The following PLCE1 variants were observed in gnomAD, a reference collection of about 807,000 sequenced individuals.
PLCE1 encodes phospholipase C epsilon 1, also known as 1-phosphatidylinositol 4,5-bisphosphate phosphodiesterase epsilon-1.
PLCE1 carries 119 observed loss-of-function variants against 242.8 expected under a neutral mutation model. That is an observed-to-expected ratio of 0.49 (90% CI 0.42 to 0.57). The LOEUF is 0.57. Ranked by LOEUF, PLCE1 falls within the 20% of genes least tolerant of loss-of-function variation. The pLI, the probability that PLCE1 is intolerant of heterozygous loss-of-function variation, is 0.00. For synonymous variants in PLCE1, 945 were observed against 1,017.4 expected, an observed-to-expected ratio of 0.93 and a Z score of 1.35; for missense variants, 2,441 against 2,788.8, an observed-to-expected ratio of 0.88 and a Z score of 2.81.
In PLCE1 at chr10:94,169,665, T is replaced by C. The variant is rs536522698; in HGVS notation, c.1493-1515T>C. On this transcript the variant is annotated intron_variant, in intron 3 of 32. Transcript: ENST00000371380. Reference sequence around the variant, plus strand: ...ATAGAAAAGAGGATAGTGAGTTGTTTAGGAAAAAATAAATAAGTTTGTGTC... The same window carrying C: ...ATAGAAAAGAGGATAGTGAGTTGTTCAGGAAAAAATAAATAAGTTTGTGTC... 3.9e-5 allele frequency among the ~76,000 whole-genome samples: 6 copies of C among 152,256 alleles called. 1 individual carries two copies. The South Asian group carries it at 1.2e-3, about 32-fold the overall frequency.
rs143752256 is a variant in PLCE1, at chr10:94,331,203, A to C, written c.*3260A>C. 2.5e-4 allele frequency: 38 copies of C among 152,342 alleles called. 1 individual carries two copies. In the East Asian group the frequency reaches 4.8e-3, roughly 19 times the overall value. The allele number at this position is 152,342 out of a possible 1,614,324, so 9.4% of individuals were successfully genotyped here. On this transcript the variant is annotated 3_prime_UTR_variant, in exon 33 of 33. Coordinates refer to ENST00000371380, the MANE Select transcript of PLCE1 (RefSeq NM_016341.4). The stretch of plus-strand genomic sequence containing the variant: ...AGTTACAAGTGACTTGTTTTTAATC[A>C]AACTTGCTTTCTTTTATGGGAGGCT...
intron 22 of PLCE1, among the ~76,000 whole-genome samples, chr10:94,291,115 CA>C (rs1360210280): frequency 2.0e-5 from 3 of 152,090 alleles, no homozygotes; most frequent in African/African-American, 7.2e-5. Context: ...AGGAAGATAC[CA>C]TCATATGCAC....
Position 94,132,254 on chromosome 10 carries a change from C to T in PLCE1, c.1287C>T (p.Ser429=), listed in dbSNP as rs781519557. Residue 429 remains serine, a synonymous_variant, in exon 3 of 33, where the codon TCC becomes TCT. Transcript: ENST00000371380. ...ATTTCCTCACCAAGCTCCCAGCCTC[C>T]GAGACAGCCCATGGAAGGATAAGCG... The part of the protein sequence containing the change: ...LLHFLTKLPA[S]ETAHGRISVG... 37 of 1,614,100 alleles carry T rather than the reference C, an allele frequency of 2.3e-5. No individual in the cohort carries two copies. The highest frequency in any genetic ancestry group is 2.3e-5 in the Non-Finnish European group (27 of 1,179,992).
intron 2 of PLCE1, among the ~76,000 whole-genome samples, chr10:94,086,157 C>T (rs1156552663): frequency 6.6e-6 from 1 of 152,126 alleles, no homozygotes; most frequent in Admixed American, 6.5e-5. Flanking sequence ...GCTGGGGAAG[C>T]TTTGTCTTTT....
Position 94,306,555 on chromosome 10 carries a change from C to T in PLCE1, c.5751C>T (p.Asn1917=), listed in dbSNP as rs1484351801. ...AGCCCATCCATCGAAACACCCTGAACCCCATGTGGAACGAGCAGTTTCTGT... is the reference window on the plus strand; with the variant it reads ...AGCCCATCCATCGAAACACCCTGAATCCCATGTGGAACGAGCAGTTTCTGT... The part of the protein sequence containing the change: ...RTKPIHRNTL[N]PMWNEQFLFH... The change falls in exon 26 of 33, where the codon AAC becomes AAT. Residue 1917 remains asparagine (N), a synonymous_variant. Transcript: ENST00000371380. The surrounding 1 kb of genome is among the most constrained non-coding windows in gnomAD (Gnocchi z 5.7). The T allele has an allele frequency of 1.2e-6, 2 of 1,614,130 alleles. No individual in the cohort carries two copies. Among genetic ancestry groups the T allele is most frequent in the Admixed American group, 1.7e-5 (1 of 60,018 alleles).
At chr10:94,006,080 A>G (rs767414845) in intron 1 of PLCE1, among the ~76,000 whole-genome samples, 1 of 152,192 alleles carries the variant, frequency 6.6e-6, no homozygotes, top group Non-Finnish European at 1.5e-5. Context: ...GCTGTTTTCT[A>G]ACTGGGTGGG....
At chr10:94,016,044 T>C (rs1044091034) in intron 1 of PLCE1, among the ~76,000 whole-genome samples, 2 of 152,186 alleles carry the variant, frequency 1.3e-5, no homozygotes, top group African/African-American at 4.8e-5. Flanking sequence ...CCGCTATATG[T>C]CCAAGGATGT....
intron 1 of PLCE1, among the ~76,000 whole-genome samples, chr10:94,024,924 C>G (rs917188856): frequency 6.6e-6 from 1 of 152,050 alleles, no homozygotes; most frequent in African/African-American, 2.4e-5. Flanking sequence ...ATAATACTAC[C>G]CCCACCTTTT....
chr10:94,316,796 TTA>T (rs754214086), intron 29 of PLCE1, 40 bp downstream of exon 29: 20 of 1,436,018 alleles, frequency 1.4e-5, no homozygotes, highest in Non-Finnish European at 2.0e-5. Context: ...TAACGACTCA[TTA>T]TGTGATTAGC....
At chr10:94,074,384 T>C (rs1482987234) in intron 2 of PLCE1, among the ~76,000 whole-genome samples, 1 of 151,970 alleles carries the variant, frequency 6.6e-6, no homozygotes. Flanking sequence ...TTTTTATTTT[T>C]TGTAGAGACA....
intron 2 of PLCE1, among the ~76,000 whole-genome samples, chr10:94,054,443 A>G (rs1448556628): frequency 3.3e-5 from 5 of 152,094 alleles, no homozygotes; most frequent in Non-Finnish European, 7.4e-5. Flanking sequence ...CCCTCTTCCC[A>G]TCAGCCTGCT....
chr10:94,017,118 C>G (rs2061297624), intron 1 of PLCE1, among the ~76,000 whole-genome samples: 1 of 152,152 alleles, frequency 6.6e-6, no homozygotes, highest in South Asian at 2.1e-4. Context: ...CAACCCCCAT[C>G]AGAGCCTCAG....
At chr10:94,290,922 T>A (rs1243355497) in intron 22 of PLCE1, among the ~76,000 whole-genome samples, 2 of 152,176 alleles carry the variant, frequency 1.3e-5, no homozygotes, top group African/African-American at 4.8e-5. Flanking sequence ...TAATGTGTTA[T>A]GCTATGGATG....
At chr10:94,076,482 T>C (rs1272691740) in intron 2 of PLCE1, among the ~76,000 whole-genome samples, 1 of 152,136 alleles carries the variant, frequency 6.6e-6, no homozygotes, top group Non-Finnish European at 1.5e-5. Context: ...GAATGGAGCA[T>C]TGGAGGTTGT....
At chr10:94,163,900 T>C (rs1472404724) in intron 3 of PLCE1, among the ~76,000 whole-genome samples, 1 of 152,210 alleles carries the variant, frequency 6.6e-6, no homozygotes, top group Non-Finnish European at 1.5e-5. Flanking sequence ...TTATTTCTCC[T>C]TCACTTATGA....
At chr10:94,121,839 A>C (rs1245795986) in intron 2 of PLCE1, among the ~76,000 whole-genome samples, 1 of 152,178 alleles carries the variant, frequency 6.6e-6, no homozygotes, top group Non-Finnish European at 1.5e-5. Context: ...ATCTTTAGGC[A>C]GACAGGAGGT....
intron 3 of PLCE1, among the ~76,000 whole-genome samples, chr10:94,143,545 CAT>C (rs910796506): frequency 6.6e-6 from 1 of 152,054 alleles, no homozygotes; most frequent in African/African-American, 2.4e-5. Context: ...TTTATAATAA[CAT>C]GTGGGTCAGT....
chr10:94,051,926 C>T (rs1191711313), intron 2 of PLCE1, among the ~76,000 whole-genome samples: 3 of 152,194 alleles, frequency 2.0e-5, no homozygotes, highest in Non-Finnish European at 4.4e-5. Flanking sequence ...TTTAAAGTGA[C>T]CTCTTCTCCA....
At chr10:94,254,430 A>C in intron 10 of PLCE1, 123 bp downstream of exon 10, 1 of 752,916 alleles carries the variant, frequency 1.3e-6, no homozygotes, top group Non-Finnish European at 2.4e-6. Flanking sequence ...TCTTTGTCCT[A>C]ACCAGACAAT....
Sources: gnomAD v4.1 joint callset for allele counts (sites outside exome capture counted in the v4.1 genomes callset) on GRCh38, gnomAD v4.1.1 for gene constraint, Gnocchi (gnomAD v3.1) non-coding constraint, MANE v1.5 for transcripts, NCBI Gene and HGNC (gene_info 2026-07-23, HGNC 2026-07-21) for gene names.